The following CCDC154 variants were observed in gnomAD, a reference collection of about 807,000 sequenced individuals.
CCDC154 encodes the protein coiled-coil domain-containing protein 154.
Under a neutral mutation model 87.5 loss-of-function variants are expected in CCDC154, and 91 were observed. The observed-to-expected ratio is 1.04, with a 90% CI of 0.88 to 1.24. The LOEUF (loss-of-function observed/expected upper bound fraction) is 1.24, where lower values mean the gene tolerates loss of function less well. Ranked by LOEUF, CCDC154 falls within the 50% of genes most tolerant of loss-of-function variation. The probability of loss-of-function intolerance (pLI) is 0.00; values close to 1 mark genes in which losing one functional copy is unlikely to be tolerated. For synonymous variants in CCDC154, 418 were observed against 400.4 expected (o/e 1.04, Z -0.52); for missense variants, 903 against 879.2 (o/e 1.03, Z -0.34).
chr16:1,438,335 C>T (rs2038520521), intron 9 of CCDC154, 159 bp from the exon 10 acceptor site: 1 of 933,930 alleles, frequency 1.1e-6, no homozygotes, highest in Non-Finnish European at 1.5e-6. Flanking sequence ...GGGTTCACTC[C>T]CCATGGCCAC....
In CCDC154 at chr16:1,438,079, G is replaced by A. The variant is rs1216730253; in HGVS notation, c.1123C>T (p.Arg375Trp). The A allele has an allele frequency of 9.0e-6, 14 of 1,548,342 alleles. No homozygotes were observed. The highest frequency in any genetic ancestry group is 1.4e-5 in the African/African-American group (1 of 73,002). The change falls in exon 10 of 17, where the codon CGG (arginine) becomes TGG (tryptophan). Residue 375 changes from arginine (R) to tryptophan (W), a missense_variant. Physicochemically the swap from Arg to Trp is moderately radical, Grantham distance 101. Transcript: ENST00000389176. ...EAAQLAGELA[R>W]QEMHGELVLL... ...ACCAGCTCTCCATGCATCTCCTGCC[G>A]GGCCAGCTCGCCAGCCAGCTGTGCG...
rs1255801581 is a variant in CCDC154 at position 1,443,828 on chromosome 16, G to A, written c.192C>T (p.Asp64=). 5.4e-6 allele frequency: 7 copies of A among 1,304,410 alleles called. No homozygotes were observed. Among genetic ancestry groups the A allele is most frequent in the Non-Finnish European group, 7.1e-6 (7 of 989,202 alleles). The allele number at this position is 1,304,410 out of a possible 1,614,324, so 80.8% of individuals were successfully genotyped here. ...PTSTASVPEQ[D]TAKHWNQLEQ... is the part of the protein sequence containing the mutation. ...CCAGCTGGTTCCAGTGCTTGGCGGT[G>A]TCCTGCTCGGGGACAGAGGCCGTGG... Residue 64 remains aspartate, a synonymous_variant, in exon 2 of 17, where the codon GAC becomes GAT. Transcript: ENST00000389176.
chr16:1,438,982 T>G, intron 7 of CCDC154, 39 bp from the exon 8 acceptor site: 2 of 1,549,486 alleles, frequency 1.3e-6, no homozygotes, highest in South Asian at 1.2e-5. Flanking sequence ...GGTCTGCGTC[T>G]GGGAAGGGGG....
At chr16:1,436,579 G>A in intron 12 of CCDC154, 58 bp from the exon 13 acceptor site, 1 of 1,545,562 alleles carries the variant, frequency 6.5e-7, no homozygotes, top group Admixed American at 2.0e-5. Context: ...GACCAGCCTT[G>A]GCCTCGACCC....
intron 11 of CCDC154, chr16:1,437,227 G>A: frequency 4.7e-6 from 1 of 212,106 alleles, no homozygotes; most frequent in Non-Finnish European, 9.4e-6. Flanking sequence ...AGGCCCCGAG[G>A]AGCGGGAAAC....
intron 15 of CCDC154, 98 bp downstream of exon 15, chr16:1,434,991 G>T: frequency 1.4e-6 from 2 of 1,434,420 alleles, no homozygotes; most frequent in Non-Finnish European, 9.4e-7. Context: ...CACTTGGACA[G>T]ACAGACACTG....
chr16:1,435,076 A>C lies in CCDC154; in HGVS notation c.1692+13T>G. On this transcript the variant is annotated intron_variant, in intron 15 of 16. Coordinates refer to ENST00000389176, the MANE Select transcript of CCDC154 (RefSeq NM_001143980.3). The stretch of plus-strand genomic sequence containing the variant: ...GGGAGCTGGGCGGTGCCGGCCGGGC[A>C]AGGCCTCCTCACCAGCCGGGCCTCA... 3.9e-6 allele frequency: 6 copies of C among 1,547,938 alleles called. No homozygotes were observed. Among genetic ancestry groups the C allele is most frequent in the Non-Finnish European group, 5.2e-6 (6 of 1,146,016 alleles).
intron 6 of CCDC154, among the ~76,000 whole-genome samples, chr16:1,441,688 T>C: frequency 6.6e-6 from 1 of 152,108 alleles, no homozygotes; most frequent in East Asian, 1.9e-4. Context: ...GCGCTGGCTG[T>C]GTGGGGAGGG....
At chr16:1,438,972 G>A (rs1275910641) in intron 7 of CCDC154, 29 bp from the exon 8 acceptor site, 1 of 1,549,216 alleles carries the variant, frequency 6.5e-7, no homozygotes. Flanking sequence ...GTCAGCTGCA[G>A]GTCTGCGTCT....
intron 6 of CCDC154, among the ~76,000 whole-genome samples, chr16:1,440,145 GAAAAAA>G (rs35755175): frequency 2.0e-5 from 2 of 102,360 alleles, no homozygotes; most frequent in East Asian, 3.1e-4. Flanking sequence ...GAGACTGTCA[GAAAAAA>G]AAAAAAAAAA....
At chr16:1,434,897 G>A in intron 15 of CCDC154, 45 bp from the exon 16 acceptor site, 1 of 1,461,708 alleles carries the variant, frequency 6.8e-7, no homozygotes, top group South Asian at 1.4e-5. Flanking sequence ...CAGACCTCCG[G>A]GCAGGGGATG....
chr16:1,442,172 T>A (rs1406104048), intron 6 of CCDC154, among the ~76,000 whole-genome samples: 1 of 152,116 alleles, frequency 6.6e-6, no homozygotes, highest in East Asian at 1.9e-4. Flanking sequence ...CGCCTCAGCC[T>A]CCCAAAGTGC....
At chr16:1,442,363 C>T (rs918493043) in intron 6 of CCDC154, 43 bp downstream of exon 6, 36 of 1,515,822 alleles carry the variant, frequency 2.4e-5, no homozygotes, top group African/African-American at 1.8e-4. Context: ...GTCTCCTCCT[C>T]GGCCCTCTGG....
chr16:1,435,851 T>C (rs993621788), intron 14 of CCDC154, 118 bp downstream of exon 14: 17 of 866,128 alleles, frequency 2.0e-5, no homozygotes, highest in Non-Finnish European at 2.9e-5. Context: ...TCTGAGCGTC[T>C]CCTGCTGGCT....
At chr16:1,442,298 A>G in intron 6 of CCDC154, 108 bp downstream of exon 6, 1 of 1,225,382 alleles carries the variant, frequency 8.2e-7, no homozygotes, top group Non-Finnish European at 1.1e-6. Flanking sequence ...TTCAGTGGAC[A>G]CAGATACATG....
intron 13 of CCDC154, 129 bp from the exon 14 acceptor site, chr16:1,436,215 C>A (rs2038500461): frequency 4.5e-6 from 4 of 881,754 alleles, no homozygotes; most frequent in East Asian, 5.3e-5. Context: ...CCTGTCACCC[C>A]TCCAGTGGGG....
chr16:1,443,107 G>A (rs557605030), intron 4 of CCDC154, 132 bp from the exon 5 acceptor site: 17 of 1,361,236 alleles, frequency 1.2e-5, no homozygotes, highest in East Asian at 5.0e-5. Context: ...GCCCAGGCAC[G>A]TACAAACCCG....
intron 5 of CCDC154, 86 bp downstream of exon 5, chr16:1,442,794 A>T: frequency 7.5e-7 from 1 of 1,334,854 alleles, no homozygotes. Flanking sequence ...GACACACGGC[A>T]GGGGGACCCG....
At chr16:1,440,916 A>G (rs977667380) in intron 6 of CCDC154, among the ~76,000 whole-genome samples, 1 of 150,532 alleles carries the variant, frequency 6.6e-6, no homozygotes. Context: ...GTGCCACTGC[A>G]CTCCAGCCCA....
Sources: allele counts gnomAD v4.1 joint callset (sites outside exome capture counted in the v4.1 genomes callset), GRCh38; gene constraint gnomAD v4.1.1; transcripts MANE v1.5; gene names NCBI Gene and HGNC (gene_info 2026-07-23, HGNC 2026-07-21).